Variants in MEGF11 observed in about 807,000 individuals in gnomAD.
MEGF11 encodes multiple EGF like domains 11.
Under a neutral mutation model 146.6 loss-of-function variants are expected in MEGF11, and 126 were observed. The ratio of observed to expected loss-of-function variants is 0.86; its 90% CI spans 0.74 to 1.00. The LOEUF is 1.00. MEGF11 is among the 50% of genes least tolerant of loss of function. The probability of loss-of-function intolerance (pLI) is 0.00; values close to 1 mark genes in which losing one functional copy is unlikely to be tolerated. For synonymous variants in MEGF11, 532 were observed against 583.4 expected (o/e 0.91, Z 1.27); for missense variants, 1,509 against 1,521.2 (o/e 0.99, Z 0.13).
At chr15:66,134,059 G>C (rs1410915898) in intron 1 of MEGF11, among the ~76,000 whole-genome samples, 2 of 152,124 alleles carry the variant, frequency 1.3e-5, no homozygotes, top group Non-Finnish European at 2.9e-5. Flanking sequence ...TACCATGAGG[G>C]TTGCAGCCAC....
At chr15:66,194,956 GCCTGGGTTA>G (rs2090973617) in intron 1 of MEGF11, among the ~76,000 whole-genome samples, 5 of 152,156 alleles carry the variant, frequency 3.3e-5, no homozygotes, top group African/African-American at 7.2e-5. Context: ...ACCAGGCTAA[GCCTGGGTTA>G]GCCTGCTAGA....
At chr15:66,062,361 C>A (rs1212311315) in intron 5 of MEGF11, among the ~76,000 whole-genome samples, 1 of 152,156 alleles carries the variant, frequency 6.6e-6, no homozygotes, top group African/African-American at 2.4e-5. Flanking sequence ...GACTTTTGTC[C>A]CTTACTAGCT....
At chr15:65,963,430 A>G (rs1413924315) in intron 9 of MEGF11, among the ~76,000 whole-genome samples, 1 of 152,166 alleles carries the variant, frequency 6.6e-6, no homozygotes, top group Non-Finnish European at 1.5e-5. Context: ...CAGTTCTAAG[A>G]TGTACTTCTC....
intron 5 of MEGF11, among the ~76,000 whole-genome samples, chr15:66,079,450 AACC>A (rs2085739363): frequency 6.6e-6 from 1 of 151,906 alleles, no homozygotes; most frequent in South Asian, 2.1e-4. Context: ...TGGGCAGAAG[AACC>A]ACAACTGCTT....
intron 5 of MEGF11, among the ~76,000 whole-genome samples, chr15:66,016,842 T>C (rs2082904184): frequency 6.6e-6 from 1 of 152,184 alleles, no homozygotes; most frequent in East Asian, 1.9e-4. Flanking sequence ...CTGCTCCCTG[T>C]GAATGGGGAA....
At chr15:65,903,939 G>A (rs114633354) in intron 24 of MEGF11, among the ~76,000 whole-genome samples, 40 of 152,308 alleles carry the variant, frequency 2.6e-4, no homozygotes, top group African/African-American at 9.4e-4. Flanking sequence ...TTTAAAGGAT[G>A]ATTGTAGCCA....
rs28710397 is a variant in MEGF11 at position 65,985,408 on chromosome 15, C to T, written c.395-2920G>A. On this transcript the variant is annotated intron_variant, in intron 5 of 25. Transcript: ENST00000395614. Reference sequence around the variant, plus strand: ...AGAGACTAGCCACTTCTTCTCTGTTCGTCACTGTGAACCACCACAGGATCC... The same window carrying T: ...AGAGACTAGCCACTTCTTCTCTGTTTGTCACTGTGAACCACCACAGGATCC... Among the ~76,000 whole-genome samples, 1,451 of 152,130 alleles carry T rather than the reference C, an allele frequency of 9.5e-3. 23 individuals are homozygous for T. The highest frequency in any genetic ancestry group is 0.031 in the African/African-American group (1,305 of 41,490).
chr15:65,942,359 G>A (rs2080025120), intron 10 of MEGF11, among the ~76,000 whole-genome samples: 1 of 152,182 alleles, frequency 6.6e-6, no homozygotes, highest in Non-Finnish European at 1.5e-5. Flanking sequence ...GCTTATGGAG[G>A]GAACTCTTAG....
chr15:66,091,527 G>A (rs778538561), intron 5 of MEGF11, among the ~76,000 whole-genome samples: 14 of 152,162 alleles, frequency 9.2e-5, no homozygotes, highest in Non-Finnish European at 1.6e-4. Context: ...GTTTTTGCTT[G>A]GGTGATAGTC....
At chr15:66,025,596 C>G (rs1388354207) in intron 5 of MEGF11, among the ~76,000 whole-genome samples, 1 of 152,166 alleles carries the variant, frequency 6.6e-6, no homozygotes, top group African/African-American at 2.4e-5. Context: ...AATTTCTTAA[C>G]CTATAATATG....
At chr15:66,100,876 G>A (rs1471156708) in intron 4 of MEGF11, among the ~76,000 whole-genome samples, 2 of 149,492 alleles carry the variant, frequency 1.3e-5, no homozygotes, top group East Asian at 2.0e-4. Flanking sequence ...GGGTGGGTGA[G>A]TGGGTGAGTG....
intron 1 of MEGF11, among the ~76,000 whole-genome samples, chr15:66,237,330 C>CG (rs995102528): frequency 6.6e-6 from 1 of 151,992 alleles, no homozygotes; most frequent in Non-Finnish European, 1.5e-5. Flanking sequence ...CTCACTCCCC[C>CG]CAACAAAAGA....
At chr15:65,901,017 A>G (rs1323252652) in intron 24 of MEGF11, among the ~76,000 whole-genome samples, 1 of 152,230 alleles carries the variant, frequency 6.6e-6, no homozygotes, top group East Asian at 1.9e-4. Flanking sequence ...TTTTTATTAG[A>G]TGTCGACAAG....
chr15:66,101,005 G>T (rs2086781194), intron 4 of MEGF11, among the ~76,000 whole-genome samples: 1 of 147,046 alleles, frequency 6.8e-6, no homozygotes, highest in African/African-American at 2.5e-5. Flanking sequence ...GTGGGTGGAT[G>T]GGCACGTGGG....
chr15:66,140,017 G>A (rs1297270818), intron 1 of MEGF11, among the ~76,000 whole-genome samples: 1 of 152,140 alleles, frequency 6.6e-6, no homozygotes, highest in Non-Finnish European at 1.5e-5. Flanking sequence ...ACACTCCCCG[G>A]TGCCAGTCAG....
At chr15:66,141,217 G>C (rs1462242486) in intron 1 of MEGF11, among the ~76,000 whole-genome samples, 1 of 149,490 alleles carries the variant, frequency 6.7e-6, no homozygotes, top group Non-Finnish European at 1.5e-5. Context: ...GGATGTCTCT[G>C]TCCTGCAGAC....
At chr15:66,140,550 C>T (rs1346778291) in intron 1 of MEGF11, among the ~76,000 whole-genome samples, 1 of 152,216 alleles carries the variant, frequency 6.6e-6, no homozygotes, top group Non-Finnish European at 1.5e-5. Context: ...AAGTCCAAAC[C>T]ATGCTTCCCC....
intron 8 of MEGF11, among the ~76,000 whole-genome samples, chr15:65,968,577 T>C (rs2081195068): frequency 2.0e-5 from 3 of 152,086 alleles, no homozygotes; most frequent in African/African-American, 7.2e-5. Context: ...CTTTTTTTTT[T>C]CCCTACTCAC....
At chr15:66,094,606 T>A in intron 4 of MEGF11, 112 bp from the exon 5 acceptor site, 2 of 866,978 alleles carry the variant, frequency 2.3e-6, no homozygotes, top group Non-Finnish European at 3.6e-6. Flanking sequence ...CAGGGATGCT[T>A]AGAACGCATG....
Sources: allele counts gnomAD v4.1 joint callset (sites outside exome capture counted in the v4.1 genomes callset), GRCh38; gene constraint gnomAD v4.1.1; transcripts MANE v1.5; gene names NCBI Gene and HGNC (gene_info 2026-07-23, HGNC 2026-07-21).